The following COL22A1 variants were observed in gnomAD, a reference collection of about 807,000 sequenced individuals.
COL22A1 encodes the protein collagen alpha-1(XXII) chain.
A neutral mutation model predicts 248.9 loss-of-function variants in COL22A1; 221 were observed. That is an observed-to-expected ratio of 0.89 (90% CI 0.80 to 0.99). COL22A1 has a LOEUF of 0.99. Among genes scored for constraint, COL22A1 ranks in the 50% least tolerant of loss-of-function variants. The probability of loss-of-function intolerance (pLI) is 0.00; values close to 1 mark genes in which losing one functional copy is unlikely to be tolerated. For synonymous variants in COL22A1, 891 were observed against 793.4 expected (o/e 1.12, Z -2.07); for missense variants, 2,240 against 2,179.0 (o/e 1.03, Z -0.56).
chr8:138,732,366 G>A (rs550387539), intron 23 of COL22A1, among the ~76,000 whole-genome samples: 3 of 152,200 alleles, frequency 2.0e-5, no homozygotes, highest in Non-Finnish European at 4.4e-5. Flanking sequence ...AGAAATTTAC[G>A]TAAGAAAAAT....
At chr8:138,681,213 C>G (rs919678619) in intron 39 of COL22A1, among the ~76,000 whole-genome samples, 1 of 152,176 alleles carries the variant, frequency 6.6e-6, no homozygotes, top group Non-Finnish European at 1.5e-5. Flanking sequence ...TGAATATTTA[C>G]TGAGCAGGTA....
chr8:138,883,034 G>A, intron 2 of COL22A1, 48 bp downstream of exon 2: 1 of 1,484,092 alleles, frequency 6.7e-7, no homozygotes, highest in Non-Finnish European at 9.1e-7. Flanking sequence ...GACACATGCT[G>A]TCTGCTCTGT....
chr8:138,876,832 C>T (rs1171259161), intron 3 of COL22A1, among the ~76,000 whole-genome samples: 1 of 152,236 alleles, frequency 6.6e-6, no homozygotes, highest in Non-Finnish European at 1.5e-5. Context: ...ATCAGCAAGA[C>T]AGAGGCTGAG....
At chr8:138,897,845 G>T (rs1210975871) in intron 1 of COL22A1, among the ~76,000 whole-genome samples, 8 of 150,986 alleles carry the variant, frequency 5.3e-5, no homozygotes, top group Non-Finnish European at 1.2e-4. Flanking sequence ...TTTTTGGGCT[G>T]CTGCAACAAA....
chr8:138,854,170 G>A (rs1821842360), intron 3 of COL22A1, among the ~76,000 whole-genome samples: 1 of 152,144 alleles, frequency 6.6e-6, no homozygotes, highest in African/African-American at 2.4e-5. Context: ...ACTGTGGGAT[G>A]CTTGTGTTCT....
chr8:138,716,386 G>T, intron 28 of COL22A1, 97 bp from the exon 29 acceptor site: 1 of 822,588 alleles, frequency 1.2e-6, no homozygotes, highest in Non-Finnish European at 1.9e-6. Context: ...TCCAGGAACT[G>T]GAGATGTTCT....
At chr8:138,711,378 T>C (rs1828950928) in intron 30 of COL22A1, among the ~76,000 whole-genome samples, 1 of 152,194 alleles carries the variant, frequency 6.6e-6, no homozygotes, top group African/African-American at 2.4e-5. Context: ...TGACCAAAAT[T>C]GTCAATTATC....
intron 64 of COL22A1, among the ~76,000 whole-genome samples, chr8:138,590,506 C>T (rs901925675): frequency 6.6e-6 from 1 of 151,920 alleles, no homozygotes; most frequent in African/African-American, 2.4e-5. Context: ...ATATTGTAAG[C>T]TATTTGAAAA....
chr8:138,725,784 CACACACACACACACAT>C (rs976311079), intron 23 of COL22A1, among the ~76,000 whole-genome samples: 10 of 147,058 alleles, frequency 6.8e-5, no homozygotes, highest in Admixed American at 1.3e-4. Flanking sequence ...CACACACACA[CACACACACACACACAT>C]AGTCTGACCC....
chr8:138,845,785 A>ATGTTG (rs1821201307), intron 3 of COL22A1, among the ~76,000 whole-genome samples: 2 of 152,184 alleles, frequency 1.3e-5, no homozygotes, highest in African/African-American at 4.8e-5. Flanking sequence ...TGCCCACAAC[A>ATGTTG]GCACTGAAAG....
chr8:138,615,827 C>A (rs1819271119), intron 55 of COL22A1, among the ~76,000 whole-genome samples, 174 bp downstream of exon 55: 1 of 152,176 alleles, frequency 6.6e-6, no homozygotes, highest in Non-Finnish European at 1.5e-5. Context: ...CCCAGGGACC[C>A]ACCCACTAGG....
At chr8:138,650,092 A>G (rs1205946470) in intron 45 of COL22A1, among the ~76,000 whole-genome samples, 1 of 152,224 alleles carries the variant, frequency 6.6e-6, no homozygotes, top group African/African-American at 2.4e-5. Flanking sequence ...ATCCATGTAA[A>G]ATGATCTGTG....
intron 18 of COL22A1, 132 bp from the exon 19 acceptor site, chr8:138,755,961 G>T: frequency 1.4e-6 from 1 of 728,112 alleles, no homozygotes; most frequent in Non-Finnish European, 2.4e-6. Context: ...ACATATCTTC[G>T]TCTTGCCCGA....
At chr8:138,803,500 AC>A (rs1354393301) in intron 10 of COL22A1, among the ~76,000 whole-genome samples, 6 of 152,148 alleles carry the variant, frequency 3.9e-5, no homozygotes, top group Non-Finnish European at 7.3e-5. Flanking sequence ...GTGCACATGT[AC>A]CCTAAAACTT....
intron 52 of COL22A1, among the ~76,000 whole-genome samples, chr8:138,623,264 G>T (rs201245201): frequency 0.23 from 712 of 3,164 alleles, 6 homozygotes; most frequent in African/African-American, 0.3. Context: ...ATATATTTAT[G>T]TGTGTGTGTG....
At chr8:138,620,104 T>C (rs552058391) in intron 52 of COL22A1, 2 of 155,626 alleles carry the variant, frequency 1.3e-5, no homozygotes, top group East Asian at 3.8e-4. Context: ...AATTCTTTAC[T>C]GCCCACAGCT....
At chr8:138,700,988 CA>C (rs5895554) in intron 31 of COL22A1, among the ~76,000 whole-genome samples, 34 of 54,704 alleles carry the variant, frequency 6.2e-4, no homozygotes, top group African/African-American at 1.6e-3. Flanking sequence ...GACTCCGTCT[CA>C]AAAAAAAAAA....
At chr8:138,837,149 CCA>C (rs1411047919) in intron 4 of COL22A1, among the ~76,000 whole-genome samples, 1 of 152,172 alleles carries the variant, frequency 6.6e-6, no homozygotes, top group African/African-American at 2.4e-5. Flanking sequence ...TCGGTCAACC[CCA>C]CTGTCCCTGC....
At chr8:138,683,327 G>A (rs928974822) in intron 39 of COL22A1, among the ~76,000 whole-genome samples, 15 of 152,208 alleles carry the variant, frequency 9.9e-5, no homozygotes, top group African/African-American at 3.6e-4. Context: ...GTAAATGAAT[G>A]AATGATTCAT....
Sources: allele counts gnomAD v4.1 joint callset (sites outside exome capture counted in the v4.1 genomes callset), GRCh38; gene constraint gnomAD v4.1.1; transcripts MANE v1.5; gene names NCBI Gene and HGNC (gene_info 2026-07-23, HGNC 2026-07-21).